ARFGEF3: variants seen among roughly 807,000 people sequenced by gnomAD.
ARFGEF3 encodes the protein brefeldin A-inhibited guanine nucleotide-exchange protein 3.
Under a neutral mutation model 221.7 loss-of-function variants are expected in ARFGEF3, and 96 were observed. The observed-to-expected ratio is 0.43, with a 90% CI of 0.37 to 0.51. The LOEUF (loss-of-function observed/expected upper bound fraction) is 0.51, where lower values mean the gene tolerates loss of function less well. Among genes scored for constraint, ARFGEF3 ranks in the 20% least tolerant of loss-of-function variants. ARFGEF3 has a pLI of 0.00. For synonymous variants in ARFGEF3, 1,145 were observed against 1,126.8 expected (o/e 1.02, Z -0.32); for missense variants, 2,410 against 2,789.9 (o/e 0.86, Z 3.07).
chr6:138,308,696 C>T lies in ARFGEF3; in HGVS notation c.3974-43C>T. The stretch of plus-strand genomic sequence containing the variant: ...TGGGCAACCCTGGCAAACCCGAGGG[C>T]AGAAACTTACTTTCTTACAATTCTA... On this transcript the variant is annotated intron_variant, in intron 23 of 33. Coordinates refer to ENST00000251691, the MANE Select transcript of ARFGEF3 (RefSeq NM_020340.5). 3 of 1,611,250 alleles carry T rather than the reference C, an allele frequency of 1.9e-6. No homozygotes were observed. The South Asian group carries it at 3.3e-5, about 18-fold the overall frequency.
chr6:138,239,107 G>A (rs952992554), intron 6 of ARFGEF3, among the ~76,000 whole-genome samples: 2 of 152,132 alleles, frequency 1.3e-5, no homozygotes, highest in African/African-American at 2.4e-5. Context: ...TATCATCAAA[G>A]CCCACTAGAG....
At chr6:138,190,529 T>C (rs150315520) in intron 2 of ARFGEF3, among the ~76,000 whole-genome samples, 11 of 152,370 alleles carry the variant, frequency 7.2e-5, no homozygotes, top group Non-Finnish European at 2.9e-5. Context: ...TAAACTAGTC[T>C]GATGCTTAGC....
chr6:138,331,065 A>C (rs1780218841), intron 32 of ARFGEF3, among the ~76,000 whole-genome samples: 1 of 152,142 alleles, frequency 6.6e-6, no homozygotes. Context: ...TCTTGCTGAA[A>C]TATTTTTGAT....
chr6:138,162,126 G>A lies in ARFGEF3; in HGVS notation c.40G>A (p.Gly14Arg), dbSNP rs751042493. The change falls in exon 1 of 34, where the codon GGG becomes AGG. Residue 14 changes from glycine to arginine, a missense_variant. This residue lies in a region of ARFGEF3 where 570 missense variants were observed against 586.9 expected (regional missense o/e 0.97). Transcript: ENST00000251691. The surrounding 1 kb of genome is among the most constrained non-coding windows in gnomAD (Gnocchi z 4.7). The stretch of plus-strand genomic sequence containing the variant: ...GAGGAAGCTGCAGAAGGAGGCGTCC[G>A]GGAGCAAGTACAAAGCCATCAAGGA... Reference protein sequence around the residue: ...ILRKLQKEASGSKYKAIKESC... With the variant: ...ILRKLQKEASRSKYKAIKESC... The A allele has an allele frequency of 2.5e-6, 4 of 1,605,220 alleles. No individual in the cohort carries two copies. The South Asian group carries it at 3.3e-5, about 13-fold the overall frequency.
chr6:138,281,336 T>A (rs966101719), intron 14 of ARFGEF3, among the ~76,000 whole-genome samples: 1 of 152,210 alleles, frequency 6.6e-6, no homozygotes, highest in Non-Finnish European at 1.5e-5. Flanking sequence ...ACTATTACTT[T>A]AGACTAAAGG....
chr6:138,167,603 A>G (rs1776746703), intron 1 of ARFGEF3, among the ~76,000 whole-genome samples: 1 of 152,160 alleles, frequency 6.6e-6, no homozygotes, highest in East Asian at 1.9e-4. Context: ...TTGCCATCTT[A>G]CCTAGTCCGT....
intron 4 of ARFGEF3, among the ~76,000 whole-genome samples, chr6:138,215,028 T>C (rs1583015124): frequency 6.6e-6 from 1 of 152,378 alleles, no homozygotes; most frequent in Non-Finnish European, 1.5e-5. Context: ...AATGGATTAG[T>C]AGACTATTGA....
intron 2 of ARFGEF3, among the ~76,000 whole-genome samples, chr6:138,192,428 A>G (rs1411440962): frequency 3.3e-5 from 5 of 152,206 alleles, no homozygotes; most frequent in Non-Finnish European, 5.9e-5. Flanking sequence ...TGGAGGTTGC[A>G]GTGAGCCAAG....
At position 138,262,842 on chromosome 6, in the gene ARFGEF3, G is replaced by A; in HGVS notation, c.1359G>A (p.Leu453=). ...GCTTGAGCGAAGGTCAGGTGCAACTGCTGCTTCTGCGCCTTGAGGAGCTGA... is the reference window on the plus strand; with the variant it reads ...GCTTGAGCGAAGGTCAGGTGCAACTACTGCTTCTGCGCCTTGAGGAGCTGA... ...GKGLSEGQVQ[L]LLLRLEELKD... Residue 453 remains leucine, a synonymous_variant, in exon 12 of 34, where the codon CTG becomes CTA. Coordinates refer to ENST00000251691, the MANE Select transcript of ARFGEF3 (RefSeq NM_020340.5). 1 of 1,614,024 alleles carries A rather than the reference G, an allele frequency of 6.2e-7. No individual in the cohort carries two copies. Among genetic ancestry groups the A allele is most frequent in the Non-Finnish European group, 8.5e-7 (1 of 1,179,894 alleles).
chr6:138,321,495 A>C (rs1780026632), intron 29 of ARFGEF3, among the ~76,000 whole-genome samples: 1 of 152,244 alleles, frequency 6.6e-6, no homozygotes, highest in Non-Finnish European at 1.5e-5. Context: ...GCTCAGCATC[A>C]GTGATCATAA....
chr6:138,190,019 G>A (rs1399113963), intron 2 of ARFGEF3, among the ~76,000 whole-genome samples: 1 of 148,092 alleles, frequency 6.8e-6, no homozygotes, highest in Non-Finnish European at 1.5e-5. Context: ...GGGAGGTTGA[G>A]GCTGCAGTGA....
Position 138,286,868 on chromosome 6 carries a change from A to G in ARFGEF3, c.2737A>G (p.Met913Val). The G allele has an allele frequency of 1.9e-6, 3 of 1,613,784 alleles. No individual in the cohort carries two copies. Among genetic ancestry groups the G allele is most frequent in the Non-Finnish European group, 2.5e-6 (3 of 1,179,908 alleles). The change falls in exon 16 of 34, where the codon ATG becomes GTG. Residue 913 changes from methionine to valine, a missense_variant. By Grantham distance (21) the Met-to-Val change is conservative. Around this residue, in one of 5 missense-constraint regions of ARFGEF3, gnomAD observed 594 missense variants for 734.3 expected, o/e 0.81. Coordinates refer to ENST00000251691, the MANE Select transcript of ARFGEF3 (RefSeq NM_020340.5). ...QNQKERDAIC[M>V]SLDGLRKAAR... is the part of the protein sequence containing the mutation. ...CCAGAAGGAGCGGGACGCCATCTGC[A>G]TGAGCCTCGACGGGCTGCGGAAAGC...
intron 2 of ARFGEF3, among the ~76,000 whole-genome samples, chr6:138,205,415 G>T (rs1380126448): frequency 6.6e-6 from 1 of 152,070 alleles, no homozygotes; most frequent in Non-Finnish European, 1.5e-5. Context: ...TTGTTTCAGG[G>T]GTTTACAGAT....
intron 2 of ARFGEF3, among the ~76,000 whole-genome samples, chr6:138,184,598 C>T (rs1036560243): frequency 6.6e-6 from 1 of 152,196 alleles, no homozygotes; most frequent in African/African-American, 2.4e-5. Flanking sequence ...CCAGCTTGTC[C>T]TTGGGAATTA....
At position 138,255,754 on chromosome 6, in the gene ARFGEF3, C is replaced by T. The variant is rs542083300; in HGVS notation, c.1089C>T (p.Ile363=). Residue 363 remains isoleucine (I), a synonymous_variant, in exon 10 of 34, where the codon ATC becomes ATT. Transcript: ENST00000251691. ...CACCCCAGCACCGGGTGGAAGCCAT[C>T]AAAATAATGAAAGAGGTGAGGAGGC... is the stretch of plus-strand genomic sequence containing the variant. The part of the protein sequence containing the change: ...YPPPQHRVEA[I]KIMKEILGSP... The T allele has an allele frequency of 4.5e-6, 7 of 1,568,912 alleles. No individual in the cohort carries two copies. The South Asian group carries it at 4.7e-5, about 10-fold the overall frequency.
At chr6:138,171,257 C>T (rs371691753) in intron 2 of ARFGEF3, among the ~76,000 whole-genome samples, 11 of 151,660 alleles carry the variant, frequency 7.3e-5, no homozygotes, top group South Asian at 2.1e-4. Context: ...TGATTGCATT[C>T]GCTCCCCCTG....
rs774261505 is a variant in ARFGEF3, at chr6:138,336,328, C to T, written c.6376C>T (p.Gln2126Ter). The T allele has an allele frequency of 1.2e-6, 2 of 1,602,722 alleles. No homozygotes were observed. Among genetic ancestry groups the T allele is most frequent in the Non-Finnish European group, 1.7e-6 (2 of 1,175,064 alleles). The change falls in exon 34 of 34, where the codon CAG becomes TAG. Residue 2126 changes from glutamine to a stop codon, truncating the protein, a stop_gained. Transcript: ENST00000251691. LOFTEE classifies it high-confidence loss of function. ...CAACATGGTGCTAACAGTTCTCAAT[C>T]AGATTCAGATTCTCCCAGACCAGAC... ...WTNMVLTVLN[Q>*]IQILPDQTFT... is the part of the protein sequence containing the mutation.
intron 12 of ARFGEF3, among the ~76,000 whole-genome samples, chr6:138,264,182 G>C (rs985373447): frequency 6.6e-6 from 1 of 152,058 alleles, no homozygotes; most frequent in Non-Finnish European, 1.5e-5. Context: ...AGTGGTGCTG[G>C]GGGGAATAGT....
intron 2 of ARFGEF3, among the ~76,000 whole-genome samples, chr6:138,180,527 A>T (rs1562344452): frequency 1.3e-5 from 2 of 152,136 alleles, no homozygotes; most frequent in Non-Finnish European, 2.9e-5. Context: ...TTGCAGAGTC[A>T]TACAAATGTA....
Sources: gnomAD v4.1 joint callset for allele counts (sites outside exome capture counted in the v4.1 genomes callset) on GRCh38, gnomAD v4.1.1 for gene constraint, gnomAD v4.1.1 regional missense constraint, Gnocchi (gnomAD v3.1) non-coding constraint, MANE v1.5 for transcripts, NCBI Gene and HGNC (gene_info 2026-07-23, HGNC 2026-07-21) for gene names.